The following FANCC variants were observed in gnomAD, a reference collection of about 807,000 sequenced individuals.
FANCC encodes FA complementation group C, also known as Fanconi anemia group C protein.
FANCC carries 55 observed loss-of-function variants against 71.3 expected under a neutral mutation model. The observed-to-expected ratio is 0.77, with a 90% CI of 0.62 to 0.97. The LOEUF (loss-of-function observed/expected upper bound fraction) is 0.97. FANCC is among the 50% of genes least tolerant of loss of function. The pLI, the probability that FANCC is intolerant of heterozygous loss-of-function variation, is 0.00. For missense variants in FANCC, 678 were observed against 670.9 expected, an observed-to-expected ratio of 1.01 and a Z score of -0.12; for synonymous variants, 275 against 244.9, an observed-to-expected ratio of 1.12 and a Z score of -1.15.
rs1443323074 is a variant in FANCC at position 95,299,528 on chromosome 9, C to A, written c.-79+17998G>T. 2.0e-5 allele frequency among the ~76,000 whole-genome samples: 3 copies of A among 152,198 alleles called. 1 individual carries two copies. The highest frequency in any genetic ancestry group is 2.9e-5 in the Non-Finnish European group (2 of 68,032). ...GTTTTATCCCTTAGTCAATACTTAACCCTCTGTCAAATAAAAGTTACTAAT... is the reference window on the plus strand; with the variant it reads ...GTTTTATCCCTTAGTCAATACTTAAACCTCTGTCAAATAAAAGTTACTAAT... On this transcript the variant is annotated intron_variant, in intron 1 of 14. Transcript: ENST00000289081.
intron 1 of FANCC, among the ~76,000 whole-genome samples, chr9:95,267,928 TTG>T (rs1832484107): frequency 6.6e-6 from 1 of 152,244 alleles, no homozygotes; most frequent in Non-Finnish European, 1.5e-5. Context: ...GCACTCTGTC[TTG>T]ACAAAACACA....
At chr9:95,294,278 T>C (rs1801812662) in intron 1 of FANCC, 4 of 1,583,926 alleles carry the variant, frequency 2.5e-6, no homozygotes, top group Non-Finnish European at 3.5e-6. Flanking sequence ...GCCTCACATA[T>C]CCAGACTCAA....
chr9:95,149,418 T>G (rs993655259), intron 7 of FANCC, among the ~76,000 whole-genome samples: 9 of 151,928 alleles, frequency 5.9e-5, no homozygotes, highest in Non-Finnish European at 1.2e-4. Context: ...AACCTTCACA[T>G]GTACCCCCAA....
At chr9:95,257,878 A>G in intron 1 of FANCC, among the ~76,000 whole-genome samples, 1 of 152,220 alleles carries the variant, frequency 6.6e-6, no homozygotes, top group East Asian at 1.9e-4. Flanking sequence ...AATACAAGCT[A>G]CCATCAGAGA....
In FANCC at chr9:95,293,352, G is replaced by T. The variant is rs374954739; in HGVS notation, c.-79+24174C>A. 68 of 1,601,152 alleles carry T rather than the reference G, an allele frequency of 4.2e-5. No individual in the cohort carries two copies. In the African/African-American group the frequency reaches 8.5e-4, roughly 20 times the overall value. On this transcript the variant is annotated intron_variant, in intron 1 of 14. Coordinates refer to ENST00000289081, the MANE Select transcript of FANCC (RefSeq NM_000136.3). Reference sequence around the variant, plus strand: ...GGTGTTGATCAGGGCTCTGCCACAGGGGCTGTGCACTTACTGCCTGCCCTT... The same window carrying T: ...GGTGTTGATCAGGGCTCTGCCACAGTGGCTGTGCACTTACTGCCTGCCCTT...
At chr9:95,313,655 A>C (rs1047538815) in intron 1 of FANCC, among the ~76,000 whole-genome samples, 2 of 152,232 alleles carry the variant, frequency 1.3e-5, no homozygotes, top group African/African-American at 4.8e-5. Context: ...AGCCAGACAG[A>C]CATCACAAGA....
chr9:95,128,723 GC>G (rs1394813077), intron 8 of FANCC, among the ~76,000 whole-genome samples: 1 of 152,134 alleles, frequency 6.6e-6, no homozygotes, highest in Non-Finnish European at 1.5e-5. Flanking sequence ...TGTGGAATCT[GC>G]TTGTTCTTCC....
At chr9:95,277,250 A>G (rs1454375151) in intron 1 of FANCC, among the ~76,000 whole-genome samples, 7 of 152,234 alleles carry the variant, frequency 4.6e-5, no homozygotes, top group Admixed American at 6.5e-5. Flanking sequence ...AGCCTCAAAG[A>G]GCACATTAAT....
At position 95,111,107 on chromosome 9, in the gene FANCC, C is replaced by T. The variant is rs559376116; in HGVS notation, c.1329+356G>A. The T allele has an allele frequency of 7.4e-4, 1,131 of 1,523,264 alleles. 1 individual carries two copies. The highest frequency in any genetic ancestry group is 9.5e-4 in the Non-Finnish European group (1,082 of 1,138,596). The allele number at this position is 1,523,264 out of a possible 1,614,324, so 94.4% of individuals were successfully genotyped here. A position where few individuals can be genotyped will look rare whatever the true frequency, so the allele number is the denominator to read the frequency against. ...CCTGGCTGTGGCCAGGCTCTGCTGC[C>T]GGCACACCCCTCAGAACAGCCCGCC... On this transcript the variant is annotated intron_variant, in intron 13 of 14. Coordinates refer to ENST00000289081, the MANE Select transcript of FANCC (RefSeq NM_000136.3).
At chr9:95,219,807 A>C (rs1829119179) in intron 4 of FANCC, among the ~76,000 whole-genome samples, 1 of 152,236 alleles carries the variant, frequency 6.6e-6, no homozygotes, top group South Asian at 2.1e-4. Flanking sequence ...AGGCATGGAC[A>C]AGGACTTCAT....
intron 6 of FANCC, among the ~76,000 whole-genome samples, chr9:95,159,561 C>G (rs908322974): frequency 2.6e-5 from 4 of 152,200 alleles, no homozygotes; most frequent in African/African-American, 9.6e-5. Flanking sequence ...AATGGGATAG[C>G]TGGATCAAAT....
intron 13 of FANCC, chr9:95,111,045 C>T: frequency 2.7e-6 from 4 of 1,462,786 alleles, no homozygotes; most frequent in Non-Finnish European, 3.6e-6. Context: ...AAGATGGAAG[C>T]AAGCCCTGGC....
At chr9:95,247,620 T>C (rs992969565) in intron 2 of FANCC, 104 bp from the exon 3 acceptor site, 74 of 768,098 alleles carry the variant, frequency 9.6e-5, no homozygotes, top group Admixed American at 7.3e-4. Flanking sequence ...TTGTTTAGTA[T>C]ACCATTTTTA....
At chr9:95,245,439 T>C (rs1012633580) in intron 3 of FANCC, among the ~76,000 whole-genome samples, 1 of 151,958 alleles carries the variant, frequency 6.6e-6, no homozygotes, top group Non-Finnish European at 1.5e-5. Flanking sequence ...AAATACAGTG[T>C]TTTCTCCTAT....
chr9:95,175,865 T>C (rs1205779758), intron 4 of FANCC, among the ~76,000 whole-genome samples: 1 of 152,082 alleles, frequency 6.6e-6, no homozygotes, highest in Non-Finnish European at 1.5e-5. Flanking sequence ...CGCGGAGGTG[T>C]CCAAGTCAGA....
chr9:95,272,949 G>T (rs1398412551), intron 1 of FANCC, among the ~76,000 whole-genome samples: 1 of 152,094 alleles, frequency 6.6e-6, no homozygotes, highest in Non-Finnish European at 1.5e-5. Context: ...AAGGTGTGGG[G>T]GTAGGGGTAC....
chr9:95,302,410 C>G (rs1365565135), intron 1 of FANCC, among the ~76,000 whole-genome samples: 1 of 152,198 alleles, frequency 6.6e-6, no homozygotes, highest in African/African-American at 2.4e-5. Flanking sequence ...GGGAGTGAAA[C>G]AGAACCTACC....
At chr9:95,289,746 G>A (rs1833896636) in intron 1 of FANCC, among the ~76,000 whole-genome samples, 1 of 152,074 alleles carries the variant, frequency 6.6e-6, no homozygotes, top group African/African-American at 2.4e-5. Flanking sequence ...GACCTCCAAG[G>A]CTCAAAGGAT....
intron 1 of FANCC, among the ~76,000 whole-genome samples, chr9:95,261,112 C>T (rs796394253): frequency 9.8e-5 from 15 of 152,286 alleles, no homozygotes; most frequent in African/African-American, 3.6e-4. Context: ...TCATTATTCA[C>T]GGAGGAATAA....
Sources: allele counts gnomAD v4.1 joint callset (sites outside exome capture counted in the v4.1 genomes callset), GRCh38; gene constraint gnomAD v4.1.1; transcripts MANE v1.5; gene names NCBI Gene and HGNC (gene_info 2026-07-23, HGNC 2026-07-21).